Variants in MARF1 observed in about 807,000 individuals in gnomAD.
MARF1 encodes limkain-b1.
In MARF1, 24 loss-of-function variants were observed where a neutral mutation model predicts 168.2. The observed-to-expected ratio is 0.14, with a 90% CI of 0.10 to 0.20. The LOEUF (loss-of-function observed/expected upper bound fraction) is 0.20. MARF1 is among the 10% of genes least tolerant of loss of function. MARF1 has a pLI of 1.00. For synonymous variants in MARF1, 868 were observed against 822.4 expected (o/e 1.06, Z -0.95); for missense variants, 1,744 against 2,143.6 (o/e 0.81, Z 3.68).
intron 22 of MARF1, among the ~76,000 whole-genome samples, chr16:15,603,535 G>A (rs1325947796): frequency 6.6e-6 from 1 of 152,094 alleles, no homozygotes; most frequent in Non-Finnish European, 1.5e-5. Flanking sequence ...AAATTCAATT[G>A]TTATCTCACT....
At chr16:15,642,700 C>T (rs973788329) in intron 1 of MARF1, among the ~76,000 whole-genome samples, 2 of 152,200 alleles carry the variant, frequency 1.3e-5, no homozygotes, top group African/African-American at 4.8e-5. Context: ...CCCTTTCCTT[C>T]TCTCTTAACC....
At chr16:15,605,376 A>G (rs1433561847) in intron 21 of MARF1, among the ~76,000 whole-genome samples, 1 of 152,150 alleles carries the variant, frequency 6.6e-6, no homozygotes, top group East Asian at 1.9e-4. Flanking sequence ...CCATCCCAAG[A>G]CCAGGGCATC....
intron 2 of MARF1, among the ~76,000 whole-genome samples, chr16:15,637,104 T>C (rs549269456): frequency 6.6e-5 from 10 of 152,326 alleles, no homozygotes; most frequent in African/African-American, 2.2e-4. Context: ...TGATACTCAA[T>C]AGTTGTATGA....
intron 3 of MARF1, chr16:15,635,158 G>C: frequency 2.0e-6 from 1 of 490,512 alleles, no homozygotes; most frequent in Non-Finnish European, 3.6e-6. Flanking sequence ...CACGTGGTCA[G>C]ATCTTTACAT....
intron 4 of MARF1, 150 bp downstream of exon 4, chr16:15,634,607 A>C: frequency 1.4e-6 from 1 of 691,514 alleles, no homozygotes; most frequent in Non-Finnish European, 2.2e-6. Flanking sequence ...TAATAATAAA[A>C]AGATTTCTAC....
chr16:15,606,741 C>T (rs536215054), intron 21 of MARF1, among the ~76,000 whole-genome samples: 2 of 152,134 alleles, frequency 1.3e-5, no homozygotes, highest in African/African-American at 2.4e-5. Context: ...TACCCCTTCT[C>T]GCCCTTGTAT....
Position 15,621,894 on chromosome 16 carries a change from G to A in MARF1, c.2478C>T (p.Leu826=), listed in dbSNP as rs911365729. 2 of 1,613,812 alleles carry A rather than the reference G, an allele frequency of 1.2e-6. No individual in the cohort carries two copies. The highest frequency in any genetic ancestry group is 1.3e-5 in the African/African-American group (1 of 75,010). The part of the protein sequence containing the change: ...ARHGKVKSVE[L]SPHTDYQLKA... ...TGAGTTGATAATCTGTATGGGGGCT[G>A]AGCTCAACACTCTTCACCTACAACA... Residue 826 remains leucine, a synonymous_variant, in exon 12 of 27, where the codon CTC becomes CTT. Transcript: ENST00000396368.
intron 8 of MARF1, 25 bp from the exon 9 acceptor site, chr16:15,625,198 G>T: frequency 1.2e-6 from 2 of 1,606,872 alleles, no homozygotes; most frequent in African/African-American, 2.7e-5. Context: ...GCACAGTGGG[G>T]TTTAAATTTT....
At chr16:15,630,592 G>T in intron 6 of MARF1, 88 bp from the exon 7 acceptor site, 1 of 1,217,870 alleles carries the variant, frequency 8.2e-7, no homozygotes, top group Non-Finnish European at 1.1e-6. Flanking sequence ...CCACTGAGAA[G>T]AAAGGAAAGG....
At chr16:15,606,223 C>T in intron 21 of MARF1, 1 of 152,796 alleles carries the variant, frequency 6.5e-6, no homozygotes. Flanking sequence ...TCCCAATTTG[C>T]CAGCCCACTC....
chr16:15,602,293 A>G, intron 22 of MARF1, 90 bp from the exon 23 acceptor site: 3 of 1,000,570 alleles, frequency 3.0e-6, no homozygotes, highest in Non-Finnish European at 4.7e-6. Context: ...GAAAAGGCCC[A>G]GAGTTGAAGA....
Position 15,636,287 on chromosome 16 carries a change from G to T in MARF1, c.200C>A (p.Pro67His), listed in dbSNP as rs1380890542. The change falls in exon 3 of 27, where the codon CCC becomes CAC. Residue 67 changes from proline to histidine, a missense_variant. Pro to His is a moderately conservative substitution (Grantham distance 77). Coordinates refer to ENST00000396368, the MANE Select transcript of MARF1 (RefSeq NM_014647.4). The stretch of plus-strand genomic sequence containing the variant: ...AAAAAGCTTAGAGCCAGCATGAAGG[G>T]GTGATGGTACATCCTTTAGTTCCAC... ...VAVELKDVPS[P>H]LHAGSKLFPA... 6.2e-7 allele frequency: 1 copy of T among 1,608,106 alleles called. No individual in the cohort carries two copies. The highest frequency in any genetic ancestry group is 8.5e-7 in the Non-Finnish European group (1 of 1,176,460).
chr16:15,608,874 T>C, intron 20 of MARF1: 1 of 265,038 alleles, frequency 3.8e-6, no homozygotes. Context: ...AGCACTGATG[T>C]TACCTCATGT....
In MARF1 at chr16:15,633,003, T is replaced by C. The variant is rs2035347566; in HGVS notation, c.1233+614A>G. On this transcript the variant is annotated intron_variant, in intron 5 of 26. Transcript: ENST00000396368. ...AAGGAAATAATACATATATAACCATTATACCAGTATAGAACTAAAATATAA... is the reference window on the plus strand; with the variant it reads ...AAGGAAATAATACATATATAACCATCATACCAGTATAGAACTAAAATATAA... 2.0e-5 allele frequency among the ~76,000 whole-genome samples: 3 copies of C among 152,246 alleles called. No individual in the cohort carries two copies. In the South Asian group the frequency reaches 6.2e-4, roughly 32 times the overall value.
In MARF1 at chr16:15,620,500, G is replaced by C; in HGVS notation, c.2671C>G (p.Pro891Ala). The C allele has an allele frequency of 6.2e-7, 1 of 1,613,032 alleles. No homozygotes were observed. Among genetic ancestry groups the C allele is most frequent in the Non-Finnish European group, 8.5e-7 (1 of 1,179,412 alleles). ...AETMSVLQDA[P>A]ACCLPLFKFT... is the part of the protein sequence containing the mutation. ...TTAAACAGAGGCAGGCAACAGGCAG[G>C]GGCATCCTGAAGAACAGACATTGTT... Residue 891 changes from proline to alanine, a missense_variant, in exon 13 of 27, where the codon CCT (proline) becomes GCT (alanine). Physicochemically the swap from Pro to Ala is conservative, Grantham distance 27 (BLOSUM62 -1). Around this residue, in one of 7 missense-constraint regions of MARF1, gnomAD observed 543 missense variants for 742.1 expected, o/e 0.73. Coordinates refer to ENST00000396368, the MANE Select transcript of MARF1 (RefSeq NM_014647.4).
intron 10 of MARF1, 137 bp downstream of exon 10, chr16:15,624,632 G>T (rs555172323): frequency 2.6e-6 from 2 of 766,690 alleles, no homozygotes; most frequent in South Asian, 3.4e-5. Flanking sequence ...CCTGAGGAGA[G>T]GGGGACTGGC....
chr16:15,626,974 A>AG (rs571543394), intron 7 of MARF1, among the ~76,000 whole-genome samples: 22 of 151,300 alleles, frequency 1.5e-4, no homozygotes, highest in African/African-American at 2.2e-4. Context: ...AAAAAAAAAA[A>AG]AAAGAAAGAA....
intron 18 of MARF1, 39 bp from the exon 19 acceptor site, chr16:15,611,147 T>C: frequency 6.2e-7 from 1 of 1,600,236 alleles, no homozygotes; most frequent in Non-Finnish European, 8.6e-7. Flanking sequence ...GAATGAGTAG[T>C]ATCATCGGTA....
chr16:15,642,290 A>C (rs2036049221), intron 1 of MARF1, among the ~76,000 whole-genome samples: 1 of 152,142 alleles, frequency 6.6e-6, no homozygotes, highest in Admixed American at 6.5e-5. Context: ...ATTAGGCTAT[A>C]AACTCCATGA....
Sources: gnomAD v4.1 joint callset for allele counts (sites outside exome capture counted in the v4.1 genomes callset) on GRCh38, gnomAD v4.1.1 for gene constraint, gnomAD v4.1.1 regional missense constraint, MANE v1.5 for transcripts, NCBI Gene and HGNC (gene_info 2026-07-23, HGNC 2026-07-21) for gene names.